The following EDIL3 variants were observed in gnomAD, a reference collection of about 807,000 sequenced individuals.
EDIL3 encodes EGF-like repeat and discoidin I-like domain-containing protein 3.
A neutral mutation model predicts 67.4 loss-of-function variants in EDIL3; 37 were observed. That is an observed-to-expected ratio of 0.55 (90% CI 0.42 to 0.72). The LOEUF (loss-of-function observed/expected upper bound fraction) is 0.72, where lower values mean the gene tolerates loss of function less well. EDIL3 is among the 30% of genes least tolerant of loss of function. The probability of loss-of-function intolerance (pLI) is 0.00; values close to 1 mark genes in which losing one functional copy is unlikely to be tolerated. For missense variants in EDIL3, 527 were observed against 586.3 expected (o/e 0.90, Z 1.04); for synonymous variants, 195 against 196.3 (o/e 0.99, Z 0.05).
intron 1 of EDIL3, among the ~76,000 whole-genome samples, chr5:84,287,068 G>A (rs1438161767): frequency 6.6e-6 from 1 of 152,166 alleles, no homozygotes; most frequent in East Asian, 1.9e-4. Flanking sequence ...CAATTAGAGA[G>A]GAAGACAGCC....
intron 6 of EDIL3, among the ~76,000 whole-genome samples, chr5:84,076,949 A>T (rs1358633521): frequency 6.6e-6 from 1 of 152,248 alleles, no homozygotes; most frequent in Non-Finnish European, 1.5e-5. Flanking sequence ...TTCAGTACTC[A>T]GCAAAAGTGC....
intron 9 of EDIL3, among the ~76,000 whole-genome samples, chr5:84,000,880 T>A (rs572971394): frequency 2.1e-3 from 315 of 151,544 alleles, no homozygotes; most frequent in African/African-American, 7.5e-3. Flanking sequence ...CAGTAATAAA[T>A]AAATAAATAA....
chr5:84,384,475 T>C lies in EDIL3; in HGVS notation c.-101A>G. The C allele has an allele frequency of 8.8e-7, 1 of 1,135,832 alleles. No individual in the cohort carries two copies. Among genetic ancestry groups the C allele is most frequent in the East Asian group, 2.5e-5 (1 of 40,432 alleles). 70.4% of individuals were successfully genotyped at this position (1,135,832 alleles called of 1,614,324 possible). ...GGGCAGCAGCAGACTCCGCCCCTAC[T>C]AAAGAATTCAAGAAGACGTTCTCTT... On this transcript the variant is annotated 5_prime_UTR_variant, in exon 1 of 11. Transcript: ENST00000296591.
At chr5:84,341,339 C>T (rs1747111570) in intron 1 of EDIL3, among the ~76,000 whole-genome samples, 1 of 152,050 alleles carries the variant, frequency 6.6e-6, no homozygotes, top group African/African-American at 2.4e-5. Flanking sequence ...GTCAACAAGA[C>T]ACAGAAGTCC....
intron 4 of EDIL3, among the ~76,000 whole-genome samples, chr5:84,149,804 C>T (rs1481889284): frequency 6.6e-6 from 1 of 151,644 alleles, no homozygotes; most frequent in Non-Finnish European, 1.5e-5. Context: ...ATGAAACTAA[C>T]AATGTGTGAG....
At chr5:84,204,007 C>A (rs1743905640) in intron 3 of EDIL3, among the ~76,000 whole-genome samples, 1 of 152,036 alleles carries the variant, frequency 6.6e-6, no homozygotes, top group African/African-American at 2.4e-5. Flanking sequence ...CCTGTTTGTC[C>A]AACAGGGGTC....
intron 9 of EDIL3, among the ~76,000 whole-genome samples, chr5:84,054,701 C>T (rs1366138648): frequency 6.6e-6 from 1 of 152,028 alleles, no homozygotes; most frequent in African/African-American, 2.4e-5. Flanking sequence ...AGTGAACTCC[C>T]ATTCACAATT....
intron 1 of EDIL3, among the ~76,000 whole-genome samples, chr5:84,305,753 C>T (rs922198263): frequency 1.3e-4 from 20 of 152,210 alleles, no homozygotes; most frequent in South Asian, 1.0e-3. Flanking sequence ...GTGGCACGTG[C>T]CTGTAATCCC....
intron 4 of EDIL3, among the ~76,000 whole-genome samples, chr5:84,168,404 T>C (rs1748751203): frequency 6.6e-6 from 1 of 152,168 alleles, no homozygotes; most frequent in Non-Finnish European, 1.5e-5. Context: ...TAAATAGCAT[T>C]GAATATATTT....
In EDIL3 at chr5:84,356,519, T is replaced by G. The variant is rs953694622; in HGVS notation, c.67+27789A>C. Among the ~76,000 whole-genome samples the G allele has an allele frequency of 7.2e-5, 11 of 152,366 alleles. No homozygotes were observed. In the South Asian group the frequency reaches 2.3e-3, roughly 32 times the overall value. ...GCATAACGATCACTCTGACTCTTCT[T>G]CTTCCATCACATCTCCTTCAAATCT... On this transcript the variant is annotated intron_variant, in intron 1 of 10. Transcript: ENST00000296591.
intron 9 of EDIL3, among the ~76,000 whole-genome samples, chr5:83,992,357 T>C (rs1161384350): frequency 1.3e-5 from 2 of 152,198 alleles, no homozygotes; most frequent in African/African-American, 2.4e-5. Flanking sequence ...CCAGCAATTA[T>C]CAGGTTGATT....
At chr5:84,020,485 A>G (rs1745695127) in intron 9 of EDIL3, among the ~76,000 whole-genome samples, 1 of 152,052 alleles carries the variant, frequency 6.6e-6, no homozygotes, top group South Asian at 2.1e-4. Flanking sequence ...AATCAAGGGA[A>G]CACCTTTATT....
In EDIL3 at chr5:83,967,892, C is replaced by T. The variant is rs78492426; in HGVS notation, c.1138-4532G>A. On this transcript the variant is annotated intron_variant, in intron 9 of 10. Coordinates refer to ENST00000296591, the MANE Select transcript of EDIL3 (RefSeq NM_005711.5). ...GTGCCACTCAGCTACATCTAAAATGCTCTTGTTTGTGCCTTCATATCATTT... is the reference window on the plus strand; with the variant it reads ...GTGCCACTCAGCTACATCTAAAATGTTCTTGTTTGTGCCTTCATATCATTT... Among the ~76,000 whole-genome samples, 1,409 of 152,192 alleles carry T rather than the reference C, an allele frequency of 9.3e-3. 16 individuals are homozygous for T. Among genetic ancestry groups the T allele is most frequent in the African/African-American group, 0.032 (1,344 of 41,554 alleles).
intron 1 of EDIL3, among the ~76,000 whole-genome samples, chr5:84,313,353 T>C (rs1311311855): frequency 1.3e-5 from 2 of 152,234 alleles, no homozygotes; most frequent in African/African-American, 4.8e-5. Context: ...TGAAGACTAT[T>C]GTTTTAACAA....
At chr5:83,963,125 A>C in intron 10 of EDIL3, 80 bp downstream of exon 10, 1 of 1,468,494 alleles carries the variant, frequency 6.8e-7, no homozygotes, top group Non-Finnish European at 9.1e-7. Context: ...GTACAGATGT[A>C]TAAGCAGTTA....
At chr5:84,038,401 A>G (rs1223049080) in intron 9 of EDIL3, among the ~76,000 whole-genome samples, 1 of 152,178 alleles carries the variant, frequency 6.6e-6, no homozygotes, top group Admixed American at 6.5e-5. Flanking sequence ...GCTTAAAGGA[A>G]TATGTCCTAC....
chr5:84,318,416 G>T (rs1746558214), intron 1 of EDIL3, among the ~76,000 whole-genome samples: 1 of 152,088 alleles, frequency 6.6e-6, no homozygotes, highest in Admixed American at 6.5e-5. Context: ...ATACTACAAG[G>T]CTACAGAAAC....
chr5:84,115,952 T>A (rs534111866), intron 5 of EDIL3, among the ~76,000 whole-genome samples: 13 of 152,322 alleles, frequency 8.5e-5, no homozygotes, highest in African/African-American at 3.1e-4. Flanking sequence ...TTATATGTTT[T>A]AAGATTTTTT....
At chr5:84,320,644 T>C (rs991495639) in intron 1 of EDIL3, among the ~76,000 whole-genome samples, 8 of 152,108 alleles carry the variant, frequency 5.3e-5, no homozygotes, top group African/African-American at 1.7e-4. Flanking sequence ...TGTTAGAGCA[T>C]TGTGTGATAC....
Sources: allele counts gnomAD v4.1 joint callset (sites outside exome capture counted in the v4.1 genomes callset), GRCh38; gene constraint gnomAD v4.1.1; transcripts MANE v1.5; gene names NCBI Gene and HGNC (gene_info 2026-07-23, HGNC 2026-07-21).